The following HEATR4 variants were observed in gnomAD, a reference collection of about 807,000 sequenced individuals.
HEATR4 encodes the protein HEAT repeat containing 4.
In HEATR4, 95 loss-of-function variants were observed where a neutral mutation model predicts 108.8. The ratio of observed to expected loss-of-function variants is 0.87; its 90% CI spans 0.74 to 1.04. The LOEUF (loss-of-function observed/expected upper bound fraction) is 1.04, where lower values mean the gene tolerates loss of function less well. Among genes scored for constraint, HEATR4 ranks in the 50% least tolerant of loss-of-function variants. HEATR4 has a pLI of 0.00. For missense variants in HEATR4, 1,152 were observed against 1,253.8 expected, an observed-to-expected ratio of 0.92 and a Z score of 1.23; for synonymous variants, 443 against 459.4, an observed-to-expected ratio of 0.96 and a Z score of 0.46.
At chr14:73,515,442 G>A (rs916560283) in intron 5 of HEATR4, among the ~76,000 whole-genome samples, 1 of 151,900 alleles carries the variant, frequency 6.6e-6, no homozygotes, top group Non-Finnish European at 1.5e-5. Flanking sequence ...CACTTTGGGA[G>A]GCCAAAGCGG....
chr14:73,629,362 A>G, the HEATR4 span, among the ~76,000 whole-genome samples: 1 of 152,306 alleles, frequency 6.6e-6, no homozygotes, highest in South Asian at 2.1e-4. Context: ...GCTTTATTGC[A>G]GTGGTCTGGA....
At chr14:73,504,076 CTT>C (rs538654870) in intron 10 of HEATR4, among the ~76,000 whole-genome samples, 85 of 127,714 alleles carry the variant, frequency 6.7e-4, no homozygotes, top group Admixed American at 7.4e-4. Context: ...TTTTGCATTT[CTT>C]TTTTTTTTTT....
At chr14:73,563,399 A>G (rs1375097522), upstream of HEATR4, among the ~76,000 whole-genome samples, 1 of 151,864 alleles carries the variant, frequency 6.6e-6, no homozygotes, top group Non-Finnish European at 1.5e-5. Context: ...GTTTGAGACC[A>G]GCTTGGCCAA....
At chr14:73,621,284 G>A in the HEATR4 span, among the ~76,000 whole-genome samples, 1 of 152,118 alleles carries the variant, frequency 6.6e-6, no homozygotes, top group Non-Finnish European at 1.5e-5. Context: ...CTTCTTTTAC[G>A]TTTGCCAGGG....
chr14:73,619,445 CT>C, the HEATR4 span: 146 of 1,614,074 alleles, frequency 9.0e-5, no homozygotes, highest in Non-Finnish European at 1.2e-4. Context: ...GGATTTCTCA[CT>C]TTTATGGACA....
In HEATR4 at chr14:73,522,716, T is replaced by C. The variant is rs755082122; in HGVS notation, c.437A>G (p.Lys146Arg). 5 of 1,614,070 alleles carry C rather than the reference T, an allele frequency of 3.1e-6. No individual in the cohort carries two copies. The African/African-American group carries it at 4.0e-5, about 13-fold the overall frequency. The change falls in exon 3 of 18, where the codon AAG (lysine) becomes AGG (arginine). Residue 146 changes from lysine (K) to arginine (R), a missense_variant. Lys to Arg is a conservative substitution (Grantham distance 26, BLOSUM62 2). Transcript: ENST00000553558. ...GGCTGGCTTTGATTTCTTCAGCTTC[T>C]TTTCGGGATTGGCAGAGCTTTCTGT... ...VKTESSANPE[K>R]KLKKSKPAST...
the HEATR4 span, chr14:73,574,776 G>A: frequency 6.7e-7 from 1 of 1,490,788 alleles, no homozygotes; most frequent in Admixed American, 1.9e-5. Flanking sequence ...AATTCTCAAA[G>A]TTGCAAATCT....
At chr14:73,521,265 A>C (rs939455634) in intron 3 of HEATR4, among the ~76,000 whole-genome samples, 1 of 152,060 alleles carries the variant, frequency 6.6e-6, no homozygotes, top group Non-Finnish European at 1.5e-5. Flanking sequence ...CTACTAAAGG[A>C]TCCATGCCTT....
the HEATR4 span, among the ~76,000 whole-genome samples, chr14:73,579,573 CAAAA>C: frequency 1.8e-5 from 1 of 56,210 alleles, no homozygotes; most frequent in Non-Finnish European, 3.2e-5. Context: ...AAAGCCGTCT[CAAAA>C]AAAAAAAAAA....
chr14:73,490,857 G>T, intron 17 of HEATR4: 1 of 694,888 alleles, frequency 1.4e-6, no homozygotes, highest in South Asian at 6.0e-5. Flanking sequence ...TTTAATGAAA[G>T]AGAGCGGGAG....
chr14:73,589,853 G>A, the HEATR4 span, among the ~76,000 whole-genome samples: 2 of 152,002 alleles, frequency 1.3e-5, no homozygotes, highest in African/African-American at 4.8e-5. Context: ...TGGTGGGTTC[G>A]TGGTCTTGCT....
chr14:73,503,024 G>A lies in HEATR4; in HGVS notation c.1987-11C>T. 6.4e-7 allele frequency: 1 copy of A among 1,565,344 alleles called. No homozygotes were observed. Among genetic ancestry groups the A allele is most frequent in the Non-Finnish European group, 8.8e-7 (1 of 1,136,502 alleles). ...CTTATGTTTCATATCCTATAAATAG[G>A]TATGATCATTAGGTATCATCACTTA... is the stretch of plus-strand genomic sequence containing the variant. On this transcript the variant is annotated splice_polypyrimidine_tract_variant and intron_variant, in intron 10 of 17. Transcript: ENST00000553558.
chr14:73,590,295 G>A, the HEATR4 span, among the ~76,000 whole-genome samples: 1 of 152,198 alleles, frequency 6.6e-6, no homozygotes, highest in Non-Finnish European at 1.5e-5. Context: ...ACAGAGTGCC[G>A]ATTGGTGTAT....
the HEATR4 span, among the ~76,000 whole-genome samples, chr14:73,615,415 C>G: frequency 9.1e-5 from 5 of 55,072 alleles, 1 homozygote; most frequent in Non-Finnish European, 1.8e-4. Context: ...AAACAAAAAA[C>G]AAAAAAAACC....
chr14:73,524,306 A>ATATATAT (rs1195056520), intron 2 of HEATR4, among the ~76,000 whole-genome samples: 33 of 90,940 alleles, frequency 3.6e-4, no homozygotes, highest in East Asian at 1.0e-3. Flanking sequence ...AAAAAAAAAA[A>ATATATAT]AAAAATATAT....
At chr14:73,488,624 A>T (rs146359474) in intron 17 of HEATR4, among the ~76,000 whole-genome samples, 119 of 152,246 alleles carry the variant, frequency 7.8e-4, no homozygotes, top group African/African-American at 2.7e-3. Flanking sequence ...CTTCCTCTAC[A>T]GCCTGAGGAA....
the HEATR4 span, among the ~76,000 whole-genome samples, chr14:73,598,215 T>TAAAA: frequency 1.1e-4 from 1 of 9,408 alleles, no homozygotes; most frequent in Non-Finnish European, 1.8e-4. Flanking sequence ...CTACTAAAAA[T>TAAAA]ACAAAAAAAA....
chr14:73,572,105 T>C, the HEATR4 span, among the ~76,000 whole-genome samples: 2 of 143,252 alleles, frequency 1.4e-5, no homozygotes, highest in South Asian at 2.3e-4. Context: ...ACAATTTGTC[T>C]TAACTTACAA....
At chr14:73,582,801 T>C in the HEATR4 span, 1 of 152,258 alleles carries the variant, frequency 6.6e-6, no homozygotes, top group African/African-American at 2.4e-5. Context: ...TGCCAGTCTC[T>C]GCTGTCTCAC....
Sources: gnomAD v4.1 joint callset for allele counts (sites outside exome capture counted in the v4.1 genomes callset) on GRCh38, gnomAD v4.1.1 for gene constraint, MANE v1.5 for transcripts, NCBI Gene and HGNC (gene_info 2026-07-23, HGNC 2026-07-21) for gene names.